CHRM3: variants seen among roughly 807,000 people sequenced by gnomAD.
CHRM3 encodes the protein muscarinic acetylcholine receptor M3.
A neutral mutation model predicts 41.8 loss-of-function variants in CHRM3; 11 were observed. The ratio of observed to expected loss-of-function variants is 0.26; its 90% CI spans 0.17 to 0.44. The LOEUF is 0.44. CHRM3 is among the 20% of genes least tolerant of loss of function. The pLI is 1.00. For synonymous variants in CHRM3, 297 were observed against 301.4 expected (o/e 0.99, Z 0.15); for missense variants, 571 against 745.4 (o/e 0.77, Z 2.72).
At chr1:239,745,262 A>G (rs1665243814) in intron 5 of CHRM3, among the ~76,000 whole-genome samples, 1 of 152,106 alleles carries the variant, frequency 6.6e-6, no homozygotes, top group South Asian at 2.1e-4. Context: ...GGTTAAATTG[A>G]AGAAGATAAA....
intron 5 of CHRM3, among the ~76,000 whole-genome samples, chr1:239,762,287 G>A (rs1302603920): frequency 1.3e-5 from 2 of 152,002 alleles, no homozygotes; most frequent in Admixed American, 6.6e-5. Context: ...CTGCAGTTTT[G>A]CGGTTTTTTA....
intron 3 of CHRM3, among the ~76,000 whole-genome samples, chr1:239,614,620 T>C (rs1283776780): frequency 9.2e-5 from 14 of 152,176 alleles, no homozygotes; most frequent in Admixed American, 9.2e-4. Context: ...TTCACGCTTA[T>C]TTACCAAATA....
chr1:239,793,943 G>T (rs762907754), intron 5 of CHRM3, among the ~76,000 whole-genome samples: 31 of 147,900 alleles, frequency 2.1e-4, no homozygotes, highest in Admixed American at 4.9e-4. Flanking sequence ...CTCCCAAATA[G>T]CTGGGACTAA....
intron 2 of CHRM3, among the ~76,000 whole-genome samples, chr1:239,498,837 A>T (rs541289602): frequency 6.6e-6 from 1 of 152,148 alleles, no homozygotes; most frequent in Non-Finnish European, 1.5e-5. Context: ...GGGCATTTGC[A>T]AGTTACTATG....
intron 3 of CHRM3, among the ~76,000 whole-genome samples, chr1:239,593,985 A>G (rs1572838571): frequency 6.6e-6 from 1 of 152,302 alleles, no homozygotes; most frequent in East Asian, 1.9e-4. Context: ...TTTAAGCTGT[A>G]TTAATAATTA....
At chr1:239,478,758 A>C (rs2147985998) in intron 1 of CHRM3, among the ~76,000 whole-genome samples, 1 of 152,340 alleles carries the variant, frequency 6.6e-6, no homozygotes, top group Non-Finnish European at 1.5e-5. Context: ...TAAAAATGGA[A>C]TTGAATGCCT....
At chr1:239,517,889 T>C (rs959069700) in intron 2 of CHRM3, among the ~76,000 whole-genome samples, 2 of 152,130 alleles carry the variant, frequency 1.3e-5, no homozygotes, top group Admixed American at 6.5e-5. Context: ...GGGCAGATCA[T>C]GAGGTCAGGA....
intron 3 of CHRM3, among the ~76,000 whole-genome samples, chr1:239,593,481 T>TAA (rs66512128): frequency 4.6e-5 from 2 of 43,678 alleles, no homozygotes; most frequent in African/African-American, 7.1e-5. Flanking sequence ...CATTTCTTTT[T>TAA]AAAAAAAAAA....
chr1:239,775,665 A>G (rs1418408286), intron 5 of CHRM3, among the ~76,000 whole-genome samples: 1 of 152,208 alleles, frequency 6.6e-6, no homozygotes, highest in Non-Finnish European at 1.5e-5. Flanking sequence ...AGCACAAGGT[A>G]TTGTAAAAGA....
In CHRM3 at chr1:239,516,811, C is replaced by T. The variant is rs369834693; in HGVS notation, c.-422+24004C>T. ...CCTGTTGCTCGCTTTACTGCCTGAGCTCTGCCTCCTGTCAGATCAACGGTG... is the reference window on the plus strand; with the variant it reads ...CCTGTTGCTCGCTTTACTGCCTGAGTTCTGCCTCCTGTCAGATCAACGGTG... On this transcript the variant is annotated intron_variant, in intron 2 of 6. Transcript: ENST00000676153. Among the ~76,000 whole-genome samples, 317 of 152,316 alleles carry T rather than the reference C, an allele frequency of 2.1e-3. 7 individuals carry two copies. The South Asian group carries it at 0.029, about 14-fold the overall frequency.
At chr1:239,795,470 G>C (rs902158986) in intron 5 of CHRM3, among the ~76,000 whole-genome samples, 2 of 152,160 alleles carry the variant, frequency 1.3e-5, no homozygotes, top group Admixed American at 6.5e-5. Context: ...CAGTGTCTCT[G>C]AGGAAGTTTT....
chr1:239,774,691 A>G (rs1667957986), intron 5 of CHRM3, among the ~76,000 whole-genome samples: 1 of 152,194 alleles, frequency 6.6e-6, no homozygotes, highest in South Asian at 2.1e-4. Flanking sequence ...CTGGGGTTGC[A>G]CTGGTTCACA....
At chr1:239,714,541 G>A (rs1662144714) in intron 5 of CHRM3, among the ~76,000 whole-genome samples, 1 of 152,160 alleles carries the variant, frequency 6.6e-6, no homozygotes, top group Non-Finnish European at 1.5e-5. Flanking sequence ...GTAGAAGGGT[G>A]CACAGGCACA....
chr1:239,651,885 G>T (rs930322145), intron 4 of CHRM3, among the ~76,000 whole-genome samples: 1 of 150,852 alleles, frequency 6.6e-6, no homozygotes, highest in South Asian at 2.1e-4. Context: ...AGGTTGAGGG[G>T]AAAAAAAAGA....
intron 5 of CHRM3, among the ~76,000 whole-genome samples, chr1:239,776,284 C>T (rs1392467130): frequency 2.6e-5 from 4 of 152,174 alleles, no homozygotes; most frequent in African/African-American, 7.2e-5. Context: ...GATAATAATA[C>T]AATAAGTGCC....
At position 239,913,269 on chromosome 1, in the gene CHRM3, G is replaced by A. The variant is rs931362683; in HGVS notation, c.*4045G>A. ...CAAACTCACAAAATAGAGTTTCTAG[G>A]TAGCAGGTGTTTGCTTTGGTTTTGC... On this transcript the variant is annotated 3_prime_UTR_variant, in exon 7 of 7. Transcript: ENST00000676153. 6.0e-6 allele frequency: 1 copy of A among 166,996 alleles called. No individual in the cohort carries two copies. The highest frequency in any genetic ancestry group is 2.4e-5 in the African/African-American group (1 of 41,428). The allele number at this position is 166,996 out of a possible 1,614,324, so 10.3% of individuals were successfully genotyped here. A position where few individuals can be genotyped will look rare whatever the true frequency, so the allele number is the denominator to read the frequency against.
intron 5 of CHRM3, among the ~76,000 whole-genome samples, chr1:239,819,620 A>G (rs1205809472): frequency 6.6e-6 from 1 of 152,254 alleles, no homozygotes; most frequent in East Asian, 1.9e-4. Context: ...ATAACATGAG[A>G]TGGCTGTGAG....
intron 5 of CHRM3, chr1:239,727,824 A>G (rs1383882419): frequency 6.6e-6 from 1 of 151,868 alleles, no homozygotes; most frequent in Non-Finnish European, 1.5e-5. Context: ...CAATTAGACA[A>G]TCCTGGGACA....
chr1:239,619,570 T>C (rs1328118999), intron 3 of CHRM3, among the ~76,000 whole-genome samples: 1 of 152,318 alleles, frequency 6.6e-6, no homozygotes, highest in South Asian at 2.1e-4. Flanking sequence ...GGCCCAATTA[T>C]GGAGAGATAT....
Sources: allele counts gnomAD v4.1 joint callset (sites outside exome capture counted in the v4.1 genomes callset), GRCh38; gene constraint gnomAD v4.1.1; transcripts MANE v1.5; gene names NCBI Gene and HGNC (gene_info 2026-07-23, HGNC 2026-07-21).